UGGT2: variants seen among roughly 807,000 people sequenced by gnomAD.
UGGT2 encodes the protein UDP-glucose glycoprotein glucosyltransferase 2, also known as UDP-glucose:glycoprotein glucosyltransferase 2.
In UGGT2, 180 loss-of-function variants were observed where a neutral mutation model predicts 192.1. That is an observed-to-expected ratio of 0.94 (90% confidence interval 0.83 to 1.06). The LOEUF (loss-of-function observed/expected upper bound fraction) is 1.06. UGGT2 is among the 50% of genes least tolerant of loss of function. UGGT2 has a pLI of 0.00. For missense variants in UGGT2, 1,849 were observed against 1,795.7 expected, an observed-to-expected ratio of 1.03 and a Z score of -0.54; for synonymous variants, 580 against 591.0, an observed-to-expected ratio of 0.98 and a Z score of 0.27.
At chr13:95,951,750 C>T (rs151087719) in intron 12 of UGGT2, among the ~76,000 whole-genome samples, 150 of 152,210 alleles carry the variant, frequency 9.9e-4, no homozygotes, top group African/African-American at 3.5e-3. Flanking sequence ...ATGGTATAAG[C>T]CAGCTTGGGG....
chr13:95,868,599 C>T (rs1477426978), intron 29 of UGGT2, among the ~76,000 whole-genome samples: 11 of 136,818 alleles, frequency 8.0e-5, no homozygotes, highest in Non-Finnish European at 3.2e-5. Context: ...GACCCTGTCA[C>T]AAAACAAAAC....
At chr13:95,951,325 TAGA>T (rs1233839030) in intron 12 of UGGT2, among the ~76,000 whole-genome samples, 3 of 152,232 alleles carry the variant, frequency 2.0e-5, no homozygotes, top group African/African-American at 7.2e-5. Flanking sequence ...TTTGAGCAGT[TAGA>T]AGAAAGAATT....
chr13:96,048,190 C>G (rs2053376160), intron 1 of UGGT2, among the ~76,000 whole-genome samples: 1 of 152,194 alleles, frequency 6.6e-6, no homozygotes, highest in Non-Finnish European at 1.5e-5. Flanking sequence ...TCACTCATAA[C>G]CACTCAACTA....
Position 95,936,919 on chromosome 13 carries a change from C to T in UGGT2, c.1977+5G>A. 6.6e-7 allele frequency: 1 copy of T among 1,513,758 alleles called. No homozygotes were observed. The highest frequency in any genetic ancestry group is 8.8e-7 in the Non-Finnish European group (1 of 1,135,618). 93.8% of individuals were successfully genotyped at this position (1,513,758 alleles called of 1,614,324 possible). A position where few individuals can be genotyped will look rare whatever the true frequency, so the allele number is the denominator to read the frequency against. ...TCATGTATTTTCTTATAAATGCTTACCTACCAAAAAAACTTCTCTTTGTAA... is the reference window on the plus strand; with the variant it reads ...TCATGTATTTTCTTATAAATGCTTATCTACCAAAAAAACTTCTCTTTGTAA... On this transcript the variant is annotated splice_donor_5th_base_variant and intron_variant, in intron 17 of 38. Coordinates refer to ENST00000376747, the MANE Select transcript of UGGT2 (RefSeq NM_020121.4).
chr13:95,886,907 A>C (rs907409259), intron 26 of UGGT2, among the ~76,000 whole-genome samples: 1 of 151,646 alleles, frequency 6.6e-6, no homozygotes, highest in African/African-American at 2.4e-5. Context: ...CAAAACAAAA[A>C]AACTGTGCGT....
intron 36 of UGGT2, among the ~76,000 whole-genome samples, chr13:95,843,105 G>T (rs1888034718): frequency 6.6e-6 from 1 of 152,196 alleles, no homozygotes; most frequent in Admixed American, 6.5e-5. Flanking sequence ...TGTGTGGCCA[G>T]GTACTTTTAT....
At chr13:95,932,634 G>A (rs1437980401) in intron 17 of UGGT2, among the ~76,000 whole-genome samples, 3 of 152,090 alleles carry the variant, frequency 2.0e-5, no homozygotes. Context: ...ATGATGAATA[G>A]GAATAGTGAG....
intron 8 of UGGT2, among the ~76,000 whole-genome samples, chr13:95,987,281 C>A (rs970271622): frequency 2.6e-5 from 4 of 152,118 alleles, no homozygotes; most frequent in African/African-American, 9.7e-5. Context: ...ATCTTTGACT[C>A]CTTTTCACCT....
chr13:95,906,576 C>A (rs1477157532), intron 20 of UGGT2, among the ~76,000 whole-genome samples: 1 of 152,090 alleles, frequency 6.6e-6, no homozygotes, highest in Non-Finnish European at 1.5e-5. Flanking sequence ...CTGAAAAATT[C>A]CCAATTTTGA....
chr13:95,945,379 C>T (rs1196866663), intron 15 of UGGT2, among the ~76,000 whole-genome samples: 1 of 152,030 alleles, frequency 6.6e-6, no homozygotes, highest in East Asian at 1.9e-4. Flanking sequence ...TCTCCCTCTC[C>T]TTCTAATTGT....
intron 27 of UGGT2, among the ~76,000 whole-genome samples, chr13:95,882,868 T>C (rs774964062): frequency 7.9e-5 from 12 of 152,214 alleles, no homozygotes; most frequent in Admixed American, 3.9e-4. Flanking sequence ...TTGGATAGCA[T>C]GTTTAAAAGT....
At chr13:95,928,788 G>C (rs916272067) in intron 17 of UGGT2, among the ~76,000 whole-genome samples, 1 of 152,182 alleles carries the variant, frequency 6.6e-6, no homozygotes, top group African/African-American at 2.4e-5. Context: ...CTTCCTAGAC[G>C]GGGTGGCGGC....
chr13:96,004,356 T>A (rs906664266), intron 5 of UGGT2, among the ~76,000 whole-genome samples: 1 of 152,252 alleles, frequency 6.6e-6, no homozygotes. Flanking sequence ...TTTCTTTGTG[T>A]TAGGAACATT....
chr13:95,969,679 G>A (rs747233967), intron 12 of UGGT2, among the ~76,000 whole-genome samples: 12 of 152,190 alleles, frequency 7.9e-5, no homozygotes, highest in Non-Finnish European at 1.3e-4. Context: ...AAGAAAGGGT[G>A]ATATGATCAA....
chr13:95,986,251 T>C, intron 9 of UGGT2, 82 bp downstream of exon 9: 1 of 982,650 alleles, frequency 1.0e-6, no homozygotes, highest in Non-Finnish European at 1.6e-6. Context: ...CACCTTCATG[T>C]TAAATGAAAT....
chr13:95,992,184 A>G (rs890340448), intron 7 of UGGT2, among the ~76,000 whole-genome samples: 15 of 152,208 alleles, frequency 9.9e-5, no homozygotes, highest in Non-Finnish European at 1.8e-4. Flanking sequence ...AAAGAAAAAA[A>G]AATGAATAGC....
At chr13:95,991,263 T>C in intron 7 of UGGT2, 1 of 268,884 alleles carries the variant, frequency 3.7e-6, no homozygotes, top group South Asian at 3.9e-5. Context: ...CTGGGTCAAA[T>C]GGTATTTCTG....
At chr13:95,995,898 T>A (rs2051602197) in intron 7 of UGGT2, 165 bp downstream of exon 7, 2 of 610,428 alleles carry the variant, frequency 3.3e-6, no homozygotes, top group Non-Finnish European at 5.7e-6. Flanking sequence ...CTTTTTGACA[T>A]TAGCCATGTG....
intron 9 of UGGT2, among the ~76,000 whole-genome samples, 153 bp downstream of exon 9, chr13:95,986,180 A>AAT (rs887004395): frequency 4.6e-5 from 7 of 152,002 alleles, no homozygotes; most frequent in Admixed American, 1.3e-4. Flanking sequence ...CTAATCAAAA[A>AAT]ATATATATAT....
Sources: allele counts gnomAD v4.1 joint callset (sites outside exome capture counted in the v4.1 genomes callset), GRCh38; gene constraint gnomAD v4.1.1; transcripts MANE v1.5; gene names NCBI Gene and HGNC (gene_info 2026-07-23, HGNC 2026-07-21).